Variants in DOCK4 observed in about 807,000 individuals in gnomAD.
DOCK4 encodes dedicator of cytokinesis protein 4.
DOCK4 carries 97 observed loss-of-function variants against 268.1 expected under a neutral mutation model. The observed-to-expected ratio is 0.36, with a 90% CI of 0.31 to 0.43. The LOEUF is 0.43. Among genes scored for constraint, DOCK4 ranks in the 20% least tolerant of loss-of-function variants. DOCK4 has a pLI of 1.00. For synonymous variants in DOCK4, 954 were observed against 887.2 expected, an observed-to-expected ratio of 1.08 and a Z score of -1.34; for missense variants, 2,145 against 2,455.7, an observed-to-expected ratio of 0.87 and a Z score of 2.67.
intron 1 of DOCK4, among the ~76,000 whole-genome samples, chr7:112,062,664 G>C (rs769957730): frequency 6.6e-6 from 1 of 152,088 alleles, no homozygotes; most frequent in Non-Finnish European, 1.5e-5. Flanking sequence ...CTTCTAGATA[G>C]TACAATAGCT....
chr7:112,071,484 A>C (rs1409619589), intron 1 of DOCK4, among the ~76,000 whole-genome samples: 1 of 152,198 alleles, frequency 6.6e-6, no homozygotes. Flanking sequence ...AACAGACCCT[A>C]CCTGATTTAA....
chr7:112,129,943 C>T (rs1389121615), intron 1 of DOCK4, among the ~76,000 whole-genome samples: 6 of 152,162 alleles, frequency 3.9e-5, no homozygotes, highest in African/African-American at 1.4e-4. Context: ...ATTAACATAT[C>T]CATAATCTTG....
At chr7:112,173,544 G>A (rs554958049) in intron 1 of DOCK4, among the ~76,000 whole-genome samples, 2 of 152,042 alleles carry the variant, frequency 1.3e-5, no homozygotes, top group African/African-American at 2.4e-5. Flanking sequence ...TTTTATGGGC[G>A]GTCAGCAGCT....
rs566527892 is a variant in DOCK4 at position 111,732,817 on chromosome 7, G to A, written c.5420-530C>T. Reference sequence around the variant, plus strand: ...ACCCTTGGCCATGGCCATACAACAGGTGCATGGTTTTCCATTTCTTCCCCT... The same window carrying A: ...ACCCTTGGCCATGGCCATACAACAGATGCATGGTTTTCCATTTCTTCCCCT... On this transcript the variant is annotated intron_variant, in intron 51 of 52. Transcript: ENST00000428084. Among the ~76,000 whole-genome samples, 5 of 152,330 alleles carry A rather than the reference G, an allele frequency of 3.3e-5. No homozygotes were observed. The East Asian group carries it at 9.7e-4, about 29-fold the overall frequency.
chr7:111,837,536 T>A (rs1803325203), intron 25 of DOCK4, among the ~76,000 whole-genome samples: 1 of 152,214 alleles, frequency 6.6e-6, no homozygotes, highest in South Asian at 2.1e-4. Context: ...CTACTGGAAC[T>A]AATTGAGTTT....
chr7:112,206,337 C>A lies in DOCK4; in HGVS notation c.-199G>T. The A allele has an allele frequency of 1.6e-6, 1 of 608,892 alleles. No individual in the cohort carries two copies. Among genetic ancestry groups the A allele is most frequent in the South Asian group, 2.0e-5 (1 of 49,594 alleles). 37.7% of individuals were successfully genotyped at this position (608,892 alleles called of 1,614,324 possible). On this transcript the variant is annotated 5_prime_UTR_variant, in exon 1 of 53. Transcript: ENST00000428084. ...GCGCCGCCCGCAGCTCTCCCGGCGGCGGCTGCTCACAGTCCTCCGACGCGC... is the reference window on the plus strand; with the variant it reads ...GCGCCGCCCGCAGCTCTCCCGGCGGAGGCTGCTCACAGTCCTCCGACGCGC...
intron 16 of DOCK4, among the ~76,000 whole-genome samples, chr7:111,878,655 A>C (rs1562836405): frequency 6.6e-6 from 1 of 151,976 alleles, no homozygotes; most frequent in Admixed American, 6.6e-5. Context: ...AATCTGTGCA[A>C]GTTTGTAGGA....
chr7:111,875,517 C>A (rs1806781669), intron 17 of DOCK4, among the ~76,000 whole-genome samples: 1 of 152,196 alleles, frequency 6.6e-6, no homozygotes, highest in South Asian at 2.1e-4. Flanking sequence ...TTCCCTCACA[C>A]AGCAAAAGAA....
At chr7:111,923,775 T>G (rs1290318910) in intron 12 of DOCK4, among the ~76,000 whole-genome samples, 2 of 152,242 alleles carry the variant, frequency 1.3e-5, no homozygotes, top group Non-Finnish European at 2.9e-5. Context: ...AATCCTTCAC[T>G]GCTCTTAAAT....
intron 8 of DOCK4, among the ~76,000 whole-genome samples, chr7:111,975,101 T>C (rs1045813513): frequency 3.9e-5 from 6 of 152,162 alleles, no homozygotes; most frequent in Admixed American, 6.5e-5. Context: ...ACCCCGTCTC[T>C]ACTAAAAATA....
intron 1 of DOCK4, among the ~76,000 whole-genome samples, chr7:112,027,361 A>T (rs1278157851): frequency 1.3e-5 from 2 of 152,014 alleles, no homozygotes; most frequent in African/African-American, 4.8e-5. Flanking sequence ...AGCAGCTGGG[A>T]TTACAGGTGT....
chr7:111,769,890 C>G (rs78559568), intron 36 of DOCK4, among the ~76,000 whole-genome samples: 2,177 of 152,216 alleles, frequency 0.014, 44 homozygotes, highest in African/African-American at 0.05. Flanking sequence ...TGTATTTCAT[C>G]TTTTGTTTCC....
intron 1 of DOCK4, among the ~76,000 whole-genome samples, chr7:112,174,224 A>G (rs1305597482): frequency 6.6e-6 from 1 of 152,150 alleles, no homozygotes; most frequent in Admixed American, 6.5e-5. Flanking sequence ...GGTAGCTCCT[A>G]TCATCCAAAA....
chr7:111,743,492 G>C (rs971988086), intron 44 of DOCK4, among the ~76,000 whole-genome samples: 2 of 152,158 alleles, frequency 1.3e-5, no homozygotes, highest in African/African-American at 4.8e-5. Context: ...GTGTGTATGA[G>C]GCATAAAGGG....
intron 1 of DOCK4, among the ~76,000 whole-genome samples, chr7:112,029,508 G>A (rs1376784125): frequency 6.6e-6 from 1 of 152,226 alleles, no homozygotes; most frequent in African/African-American, 2.4e-5. Context: ...TACGAGACCA[G>A]CAATTGGTGT....
chr7:112,042,138 T>TA (rs941561477), intron 1 of DOCK4, among the ~76,000 whole-genome samples: 18 of 145,170 alleles, frequency 1.2e-4, no homozygotes, highest in South Asian at 6.6e-4. Context: ...ATTTCTTAAA[T>TA]AAAAAAAAAA....
At chr7:111,919,514 A>C (rs975741157) in intron 12 of DOCK4, among the ~76,000 whole-genome samples, 1 of 152,222 alleles carries the variant, frequency 6.6e-6, no homozygotes, top group African/African-American at 2.4e-5. Flanking sequence ...GATGCATACT[A>C]AAAGTTTGAT....
intron 30 of DOCK4, among the ~76,000 whole-genome samples, chr7:111,805,098 T>C (rs932865083): frequency 6.6e-5 from 10 of 152,202 alleles, no homozygotes; most frequent in Admixed American, 5.2e-4. Flanking sequence ...AGAGAAGCCC[T>C]GCCTTGTTGA....
chr7:111,870,513 G>A (rs914107519), intron 20 of DOCK4, among the ~76,000 whole-genome samples: 2 of 151,818 alleles, frequency 1.3e-5, no homozygotes, highest in Non-Finnish European at 2.9e-5. Context: ...GTAGAGGCCC[G>A]GTTTCACCAT....
Sources: allele counts gnomAD v4.1 joint callset (sites outside exome capture counted in the v4.1 genomes callset), GRCh38; gene constraint gnomAD v4.1.1; transcripts MANE v1.5; gene names NCBI Gene and HGNC (gene_info 2026-07-23, HGNC 2026-07-21).